TBXAS1: variants seen among roughly 807,000 people sequenced by gnomAD.
The protein encoded by TBXAS1 is thromboxane A synthase 1.
Under a neutral mutation model 60.7 loss-of-function variants are expected in TBXAS1, and 48 were observed. The observed-to-expected ratio is 0.79, with a 90% CI of 0.63 to 1.01. TBXAS1 has a LOEUF of 1.01. Ranked by LOEUF, TBXAS1 falls within the 50% of genes least tolerant of loss-of-function variation. The pLI, the probability that TBXAS1 is intolerant of heterozygous loss-of-function variation, is 0.00. For missense variants in TBXAS1, 685 were observed against 686.3 expected, an observed-to-expected ratio of 1.00 and a Z score of 0.02; for synonymous variants, 287 against 269.7, an observed-to-expected ratio of 1.06 and a Z score of -0.63.
At chr7:139,905,039 CTTTCTTTCTT>C (rs1569511446) in intron 3 of TBXAS1, among the ~76,000 whole-genome samples, 12 of 86,512 alleles carry the variant, frequency 1.4e-4, no homozygotes, top group African/African-American at 7.1e-4. Context: ...TTCTTTCTTT[CTTTCTTTCTT>C]TCTTTCTTTC....
chr7:140,017,681 G>A lies in TBXAS1; in HGVS notation c.1375G>A (p.Glu459Lys), dbSNP rs756633372. 4 of 1,613,042 alleles carry A rather than the reference G, an allele frequency of 2.5e-6. No individual in the cohort carries two copies. Among genetic ancestry groups the A allele is most frequent in the Non-Finnish European group, 3.4e-6 (4 of 1,179,782 alleles). Residue 459 changes from glutamate (E) to lysine (K), a missense_variant, in exon 12 of 13, where the codon GAG becomes AAG. Glu to Lys is a moderately conservative substitution (Grantham distance 56, BLOSUM62 1). Transcript: ENST00000448866. Reference sequence around the variant, plus strand: ...CACACGGACCTGCAGGTTCACGGCTGAGGCCCGGCAGCAGCACCGGCCCTT... The same window carrying A: ...CACACGGACCTGCAGGTTCACGGCTAAGGCCCGGCAGCAGCACCGGCCCTT... ...ETFNPERFTAEARQQHRPFTY... is the reference protein window; with the variant it reads ...ETFNPERFTAKARQQHRPFTY...
At chr7:139,805,683 TTTCTTTCTTTCTTTC>T (rs1434692379) in intron 4 of TBXAS1, among the ~76,000 whole-genome samples, 2 of 32,674 alleles carry the variant, frequency 6.1e-5, no homozygotes, top group Non-Finnish European at 1.1e-4. Flanking sequence ...TCTTTCTTTC[TTTCTTTCTTTCTTTC>T]TTTCTTTCTT....
chr7:139,972,697 A>C (rs1443316219), intron 9 of TBXAS1, among the ~76,000 whole-genome samples: 2 of 152,012 alleles, frequency 1.3e-5, no homozygotes, highest in African/African-American at 4.8e-5. Context: ...AAAATTTTCC[A>C]TTGGGAGGCC....
chr7:140,018,018 C>T (rs1296261202), intron 12 of TBXAS1, among the ~76,000 whole-genome samples, 185 bp downstream of exon 12: 1 of 152,208 alleles, frequency 6.6e-6, no homozygotes, highest in Non-Finnish European at 1.5e-5. Context: ...AATAATAACA[C>T]CCTCTACCTC....
intron 4 of TBXAS1, among the ~76,000 whole-genome samples, chr7:139,918,359 C>G (rs1207525327): frequency 6.6e-6 from 1 of 152,140 alleles, no homozygotes; most frequent in Non-Finnish European, 1.5e-5. Context: ...GGAGTCCCAC[C>G]AGCGTCCCAT....
Position 139,897,712 on chromosome 7 carries a change from G to A in TBXAS1, c.237-13513G>A, listed in dbSNP as rs116221178. Among the ~76,000 whole-genome samples the A allele has an allele frequency of 4.4e-3, 666 of 152,222 alleles. 5 individuals are homozygous for A. The highest frequency in any genetic ancestry group is 0.015 in the African/African-American group (633 of 41,532). On this transcript the variant is annotated intron_variant, in intron 3 of 12. Transcript: ENST00000448866. ...GGAGGGGCTGAGAAAGCGCTGGTTC[G>A]GTCCATTGATCTCTGCAGGGCTCTG...
chr7:139,855,204 A>G (rs1800497883), intron 1 of TBXAS1, among the ~76,000 whole-genome samples: 1 of 152,140 alleles, frequency 6.6e-6, no homozygotes, highest in South Asian at 2.1e-4. Flanking sequence ...GTAAGAAATA[A>G]ATTCTTTTTC....
At chr7:139,962,476 T>C (rs1044950597) in intron 9 of TBXAS1, 10 of 459,444 alleles carry the variant, frequency 2.2e-5, no homozygotes, top group Non-Finnish European at 3.6e-5. Flanking sequence ...GGGTAGTCCA[T>C]GAAGCCAGGC....
intron 9 of TBXAS1, 156 bp downstream of exon 9, chr7:139,962,389 G>C: frequency 1.1e-6 from 1 of 890,264 alleles, no homozygotes; most frequent in Non-Finnish European, 1.7e-6. Context: ...CTGCTCTCCG[G>C]GTTAGCAAGC....
intron 5 of TBXAS1, among the ~76,000 whole-genome samples, chr7:139,937,022 C>T (rs886094508): frequency 5.3e-5 from 8 of 152,152 alleles, no homozygotes; most frequent in Non-Finnish European, 7.3e-5. Context: ...CACCCAAAAC[C>T]GGGTGTTTGT....
intron 3 of TBXAS1, among the ~76,000 whole-genome samples, chr7:139,893,887 G>A (rs993105815): frequency 6.6e-6 from 1 of 152,160 alleles, no homozygotes; most frequent in Non-Finnish European, 1.5e-5. Context: ...ATCATTACAG[G>A]TTTCTTTCAG....
intron 5 of TBXAS1, 105 bp from the exon 6 acceptor site, chr7:139,953,263 T>C (rs1408686364): frequency 1.1e-6 from 1 of 899,380 alleles, no homozygotes; most frequent in Non-Finnish European, 1.9e-6. Flanking sequence ...TTCCAAACAG[T>C]GTTCATTTTC....
intron 3 of TBXAS1, among the ~76,000 whole-genome samples, chr7:139,907,132 A>G (rs2117030154): frequency 6.6e-6 from 1 of 152,316 alleles, no homozygotes; most frequent in East Asian, 1.9e-4. Flanking sequence ...AAGGAAAAGC[A>G]TTCAGTCTTT....
At chr7:139,856,172 G>T (rs1160889831) in intron 1 of TBXAS1, among the ~76,000 whole-genome samples, 1 of 152,172 alleles carries the variant, frequency 6.6e-6, no homozygotes, top group Non-Finnish European at 1.5e-5. Flanking sequence ...TCTACTAATT[G>T]GCAGACAGAG....
At chr7:140,011,932 T>C (rs1204472540) in intron 10 of TBXAS1, among the ~76,000 whole-genome samples, 1 of 152,216 alleles carries the variant, frequency 6.6e-6, no homozygotes, top group Admixed American at 6.5e-5. Context: ...GATGTTCCAA[T>C]ATTCCAGAAT....
At chr7:140,008,597 G>A (rs943616013) in intron 10 of TBXAS1, among the ~76,000 whole-genome samples, 3 of 151,948 alleles carry the variant, frequency 2.0e-5, no homozygotes, top group African/African-American at 4.8e-5. Flanking sequence ...ACAGGTGCCC[G>A]CCACTATGCC....
intron 10 of TBXAS1, among the ~76,000 whole-genome samples, chr7:140,011,822 G>C (rs1814641698): frequency 6.9e-6 from 1 of 145,062 alleles, no homozygotes; most frequent in Non-Finnish European, 1.5e-5. Flanking sequence ...GGTTCAAATG[G>C]TCCATTTTAT....
At position 140,020,127 on chromosome 7, in the gene TBXAS1, G is replaced by GCCCC; in HGVS notation, c.*29_*30insCCCC. On this transcript the variant is annotated 3_prime_UTR_variant, in exon 13 of 13. Coordinates refer to ENST00000448866, the MANE Select transcript of TBXAS1 (RefSeq NM_001061.7). Reference sequence around the variant, plus strand: ...CAGAAGGCTGCCGGGTGGGGGGAGGGCACCCCCAAATTCAAAGAAAACCCT... The same window carrying GCCCC: ...CAGAAGGCTGCCGGGTGGGGGGAGGGCCCCCACCCCCAAATTCAAAGAAAACCCT... 27 of 1,190,428 alleles carry GCCCC rather than the reference G, an allele frequency of 2.3e-5. No homozygotes were observed. Among genetic ancestry groups the GCCCC allele is most frequent in the Non-Finnish European group, 2.8e-5 (23 of 811,222 alleles). 73.7% of individuals were successfully genotyped at this position (1,190,428 alleles called of 1,614,324 possible).
At chr7:139,784,430 A>G (rs1797118388) in intron 3 of TBXAS1, among the ~76,000 whole-genome samples, 1 of 152,212 alleles carries the variant, frequency 6.6e-6, no homozygotes, top group African/African-American at 2.4e-5. Flanking sequence ...AGCAAGGAGC[A>G]TGATACAATA....
Sources: allele counts gnomAD v4.1 joint callset (sites outside exome capture counted in the v4.1 genomes callset), GRCh38; gene constraint gnomAD v4.1.1; transcripts MANE v1.5; gene names NCBI Gene and HGNC (gene_info 2026-07-23, HGNC 2026-07-21).